Variants in MIS18BP1 observed in about 807,000 individuals in gnomAD.
The protein encoded by MIS18BP1 is MIS18 binding protein 1.
In MIS18BP1, 72 loss-of-function variants were observed where a neutral mutation model predicts 116.1. The observed-to-expected ratio is 0.62, with a 90% CI of 0.51 to 0.75. MIS18BP1 has a LOEUF of 0.75. Ranked by LOEUF, MIS18BP1 falls within the 30% of genes least tolerant of loss-of-function variation. The pLI, the probability that MIS18BP1 is intolerant of heterozygous loss-of-function variation, is 0.00. For synonymous variants in MIS18BP1, 386 were observed against 427.0 expected, an observed-to-expected ratio of 0.90 and a Z score of 1.18; for missense variants, 1,363 against 1,303.2, an observed-to-expected ratio of 1.05 and a Z score of -0.71.
Position 45,225,537 on chromosome 14 carries a change from T to C in MIS18BP1, c.1841-791A>G, listed in dbSNP as rs573395430. On this transcript the variant is annotated intron_variant, in intron 10 of 16. Transcript: ENST00000310806. ...AAACCTTACTAAGTATTATATGAGC[T>C]GTGCTAGTTAGGAGGACATGGAACT... 1.4e-3 allele frequency among the ~76,000 whole-genome samples: 209 copies of C among 152,280 alleles called. 1 individual carries two copies. Among genetic ancestry groups the C allele is most frequent in the Non-Finnish European group, 1.2e-4 (8 of 67,996 alleles).
At position 45,204,032 on chromosome 14, in the gene MIS18BP1, T is replaced by C; in HGVS notation, c.*77A>G. The C allele has an allele frequency of 7.2e-6, 11 of 1,523,722 alleles. No homozygotes were observed. The highest frequency in any genetic ancestry group is 9.6e-6 in the Non-Finnish European group (11 of 1,140,130). 94.4% of individuals were successfully genotyped at this position (1,523,722 alleles called of 1,614,324 possible). On this transcript the variant is annotated 3_prime_UTR_variant, in exon 17 of 17. Coordinates refer to ENST00000310806, the MANE Select transcript of MIS18BP1 (RefSeq NM_018353.5). ...ATAGGAAGCTACTTTACAAAGAAAA[T>C]ACATGTACTCCAGTTGAAAATACAA... is the stretch of plus-strand genomic sequence containing the variant.
rs773431485 is a variant in MIS18BP1 at position 45,242,494 on chromosome 14, T to C, written c.683A>G (p.Gln228Arg). The change falls in exon 4 of 17, where the codon CAG (glutamine) becomes CGG (arginine). Residue 228 changes from glutamine (Q) to arginine (R), a missense_variant. Transcript: ENST00000310806. ...GGCTTCTACAGCCAAAAAATTTTCC[T>C]GTTCTTGGTTCAGAGTTGGAAGTTC... ...TYELPTLNQE[Q>R]ENFLAVEARN... is the part of the protein sequence containing the mutation. 26 of 1,593,836 alleles carry C rather than the reference T, an allele frequency of 1.6e-5. No individual in the cohort carries two copies. The highest frequency in any genetic ancestry group is 3.4e-4 in the Middle Eastern group (2 of 5,938).
chr14:45,208,440 CT>C (rs1241280565), intron 14 of MIS18BP1, among the ~76,000 whole-genome samples: 1 of 145,396 alleles, frequency 6.9e-6, no homozygotes, highest in East Asian at 2.1e-4. Context: ...TCAGGTGATT[CT>C]CCTGCCTCAG....
At chr14:45,208,692 C>G (rs577647226) in intron 14 of MIS18BP1, among the ~76,000 whole-genome samples, 1 of 152,000 alleles carries the variant, frequency 6.6e-6, no homozygotes, top group African/African-American at 2.4e-5. Context: ...AAAATTTGTC[C>G]AAAATAGTAT....
At chr14:45,250,726 G>A (rs1367935345) in intron 1 of MIS18BP1, among the ~76,000 whole-genome samples, 1 of 152,220 alleles carries the variant, frequency 6.6e-6, no homozygotes, top group East Asian at 1.9e-4. Context: ...ACCATTGGAT[G>A]AAAGGGCTGG....
intron 10 of MIS18BP1, among the ~76,000 whole-genome samples, 164 bp downstream of exon 10, chr14:45,226,579 T>G (rs1479839202): frequency 1.3e-5 from 2 of 152,234 alleles, no homozygotes; most frequent in African/African-American, 4.8e-5. Flanking sequence ...GCTATTTTAT[T>G]ATGAAAATCA....
At chr14:45,220,282 C>T (rs939420875) in intron 11 of MIS18BP1, among the ~76,000 whole-genome samples, 3 of 152,050 alleles carry the variant, frequency 2.0e-5, no homozygotes, top group African/African-American at 4.8e-5. Flanking sequence ...TCCAAATATG[C>T]CCTCTTTCTT....
chr14:45,217,156 T>G lies in MIS18BP1; in HGVS notation c.2866A>C (p.Lys956Gln). ...TTGGCAGTTATCTTAATAGTTTGTT[T>G]CTGATCAGCATCACCTCTCTTGCCT... ...QNGKRGDADQ[K>Q]QTIKITAKVG... The change falls in exon 13 of 17, where the codon AAA (lysine) becomes CAA (glutamine). Residue 956 changes from lysine to glutamine, a missense_variant. Coordinates refer to ENST00000310806, the MANE Select transcript of MIS18BP1 (RefSeq NM_018353.5). 3 of 1,614,154 alleles carry G rather than the reference T, an allele frequency of 1.9e-6. No homozygotes were observed. The highest frequency in any genetic ancestry group is 2.5e-6 in the Non-Finnish European group (3 of 1,180,018).
At chr14:45,207,030 TTTTC>T (rs1438398952) in intron 14 of MIS18BP1, among the ~76,000 whole-genome samples, 13 of 152,210 alleles carry the variant, frequency 8.5e-5, no homozygotes, top group Non-Finnish European at 1.5e-4. Context: ...ACCAAATTTT[TTTTC>T]TTTATTTCAT....
chr14:45,219,224 C>A (rs1890906964), intron 11 of MIS18BP1, among the ~76,000 whole-genome samples: 1 of 152,120 alleles, frequency 6.6e-6, no homozygotes, highest in African/African-American at 2.4e-5. Context: ...TAATCTGTTT[C>A]TTTGGCAAAA....
chr14:45,240,608 A>G (rs1566819518), intron 4 of MIS18BP1, among the ~76,000 whole-genome samples: 1 of 152,170 alleles, frequency 6.6e-6, no homozygotes, highest in Non-Finnish European at 1.5e-5. Flanking sequence ...GTCTTGCTAT[A>G]TAAGGGAAAC....
At chr14:45,235,024 C>A (rs1291425881) in intron 6 of MIS18BP1, among the ~76,000 whole-genome samples, 3 of 152,072 alleles carry the variant, frequency 2.0e-5, no homozygotes, top group Non-Finnish European at 2.9e-5. Context: ...TCAAGACCAG[C>A]CTGGCCAACA....
chr14:45,247,426 T>C lies in MIS18BP1; in HGVS notation c.-91-49A>G, dbSNP rs563663381. The C allele has an allele frequency of 8.9e-5, 56 of 631,324 alleles. No homozygotes were observed. The African/African-American group carries it at 1.0e-3, about 11-fold the overall frequency. 39.1% of individuals were successfully genotyped at this position (631,324 alleles called of 1,614,324 possible). ...CTTTATCATGCTTTGGTGCAGAAAA[T>C]GTTTAAAGTTTATTTGCTTTCCACA... is the stretch of plus-strand genomic sequence containing the variant. On this transcript the variant is annotated intron_variant, in intron 1 of 16. Coordinates refer to ENST00000310806, the MANE Select transcript of MIS18BP1 (RefSeq NM_018353.5).
intron 9 of MIS18BP1, 59 bp downstream of exon 9, chr14:45,227,604 G>A: frequency 7.1e-7 from 1 of 1,412,514 alleles, no homozygotes; most frequent in Non-Finnish European, 9.7e-7. Context: ...AACCTTTTCA[G>A]TAGTAAATCA....
intron 11 of MIS18BP1, among the ~76,000 whole-genome samples, chr14:45,219,173 A>C (rs1890905276): frequency 6.6e-6 from 1 of 152,210 alleles, no homozygotes. Flanking sequence ...CCTAAAAGTG[A>C]TATTAACAAT....
chr14:45,242,370 A>T lies in MIS18BP1; in HGVS notation c.807T>A (p.Val269=). Reference sequence around the variant, plus strand: ...CATCAGCAGAATCAACGCTTTCTAAAACAAACGTGTCCTTTTTGGATTTAG... The same window carrying T: ...CATCAGCAGAATCAACGCTTTCTAATACAAACGTGTCCTTTTTGGATTTAG... ...ATTKSKKDTF[V]LESVDSADEQ... is the part of the protein sequence containing the mutation. Residue 269 remains valine, a synonymous_variant, in exon 4 of 17, where the codon GTT becomes GTA. Transcript: ENST00000310806. 6.2e-7 allele frequency: 1 copy of T among 1,614,092 alleles called. No individual in the cohort carries two copies. Among genetic ancestry groups the T allele is most frequent in the South Asian group, 1.1e-5 (1 of 91,078 alleles).
In MIS18BP1 at chr14:45,247,098, G is replaced by C; in HGVS notation, c.189C>G (p.Phe63Leu). 6.2e-7 allele frequency: 1 copy of C among 1,611,854 alleles called. No individual in the cohort carries two copies. Among genetic ancestry groups the C allele is most frequent in the South Asian group, 1.1e-5 (1 of 90,532 alleles). ...TATTGTTAAAAGTTGTCATTTTTAG[G>C]AACTGATTCTTTTTATGGTCATTCA... ...LKLNDHKKNQ[F>L]LKMTTFNNKN... is the part of the protein sequence containing the mutation. Residue 63 changes from phenylalanine (F) to leucine (L), a missense_variant, in exon 2 of 17, where the codon TTC becomes TTG. By Grantham distance (22) the Phe-to-Leu change is conservative. Coordinates refer to ENST00000310806, the MANE Select transcript of MIS18BP1 (RefSeq NM_018353.5).
chr14:45,237,565 G>T (rs1348238394), intron 5 of MIS18BP1, 83 bp downstream of exon 5: 10 of 1,461,530 alleles, frequency 6.8e-6, no homozygotes, highest in East Asian at 2.7e-5. Context: ...CTTTGTGGAG[G>T]ATGCTATTTC....
chr14:45,210,889 G>A (rs945036860), intron 13 of MIS18BP1, among the ~76,000 whole-genome samples: 1 of 152,146 alleles, frequency 6.6e-6, no homozygotes, highest in African/African-American at 2.4e-5. Flanking sequence ...GGTCTGGGGG[G>A]ATAACAGTGC....
Sources: gnomAD v4.1 joint callset for allele counts (sites outside exome capture counted in the v4.1 genomes callset) on GRCh38, gnomAD v4.1.1 for gene constraint, MANE v1.5 for transcripts, NCBI Gene and HGNC (gene_info 2026-07-23, HGNC 2026-07-21) for gene names.